The following XXYLT1 variants were observed in gnomAD, a reference collection of about 807,000 sequenced individuals.
XXYLT1 encodes the protein UDP-xylose:alpha-xyloside alpha-1,3-xylosyltransferase.
XXYLT1 carries 20 observed loss-of-function variants against 28.9 expected under a neutral mutation model. That is an observed-to-expected ratio of 0.69 (90% confidence interval 0.49 to 1.00). XXYLT1 has a LOEUF of 1.00. Ranked by LOEUF, XXYLT1 falls within the 50% of genes least tolerant of loss-of-function variation. The probability of loss-of-function intolerance (pLI) is 0.00; values close to 1 mark genes in which losing one functional copy is unlikely to be tolerated. For synonymous variants in XXYLT1, 257 were observed against 253.8 expected, an observed-to-expected ratio of 1.01 and a Z score of -0.12; for missense variants, 542 against 560.1, an observed-to-expected ratio of 0.97 and a Z score of 0.33.
chr3:195,186,980 C>T (rs2108746484), intron 2 of XXYLT1, among the ~76,000 whole-genome samples: 1 of 151,490 alleles, frequency 6.6e-6, no homozygotes. Flanking sequence ...CCGCAACCTC[C>T]ACCTCCTGGG....
Position 195,210,783 on chromosome 3 carries a change from C to G in XXYLT1, c.652+15926G>C, listed in dbSNP as rs1385907452. Among the ~76,000 whole-genome samples the G allele has an allele frequency of 6.6e-6, 1 of 152,210 alleles. No individual in the cohort carries two copies. The highest frequency in any genetic ancestry group is 1.9e-4 in the East Asian group (1 of 5,200). ...AATAGTTTTCACTGAAATCACTGGA[C>G]ACATGTTTATACCCTTTGTTCAGTA... is the stretch of plus-strand genomic sequence containing the variant. On this transcript the variant is annotated intron_variant, in intron 2 of 3. Transcript: ENST00000310380. This position sits in a 1 kb window ranked among gnomAD's most constrained non-coding sequence, Gnocchi z 4.8.
intron 2 of XXYLT1, among the ~76,000 whole-genome samples, chr3:195,220,595 T>C (rs1036755780): frequency 2.0e-5 from 3 of 151,542 alleles, no homozygotes; most frequent in African/African-American, 7.3e-5. Flanking sequence ...GATACACCAA[T>C]CCCCCTTTCA....
At chr3:195,226,533 G>T (rs982330646) in intron 2 of XXYLT1, among the ~76,000 whole-genome samples, 176 bp downstream of exon 2, 1 of 152,050 alleles carries the variant, frequency 6.6e-6, no homozygotes, top group African/African-American at 2.4e-5. Context: ...CCCTGCCCTT[G>T]ATTCTTGGTG....
At chr3:195,118,439 C>T (rs1348215031) in intron 3 of XXYLT1, among the ~76,000 whole-genome samples, 3 of 147,806 alleles carry the variant, frequency 2.0e-5, no homozygotes, top group Non-Finnish European at 4.5e-5. Context: ...GCTCCCAGTG[C>T]ATGTCACCGA....
Position 195,070,014 on chromosome 3 carries a change from G to GCAA in XXYLT1, c.880_882dup (p.Leu295dup). 6.2e-7 allele frequency: 1 copy of GCAA among 1,604,958 alleles called. No homozygotes were observed. The highest frequency in any genetic ancestry group is 8.5e-7 in the Non-Finnish European group (1 of 1,179,758). ...GACTGGCGCATGGCCTCCAGGTTCA[G>GCAA]CAACATCACCCCGCTGTTGAAGCCC... On this transcript the variant is annotated inframe_insertion, in exon 4 of 4. Transcript: ENST00000310380.
intron 3 of XXYLT1, among the ~76,000 whole-genome samples, chr3:195,140,392 C>T (rs777277248): frequency 3.9e-5 from 6 of 152,206 alleles, no homozygotes; most frequent in African/African-American, 7.2e-5. Context: ...GGGAGGCACC[C>T]TTACTGTTAT....
At chr3:195,212,499 C>A (rs1036741166) in intron 2 of XXYLT1, among the ~76,000 whole-genome samples, 1 of 152,154 alleles carries the variant, frequency 6.6e-6, no homozygotes, top group Admixed American at 6.5e-5. Context: ...AAGCCCCATG[C>A]GAACAGGTAC....
At chr3:195,160,730 C>G (rs1001493639) in intron 2 of XXYLT1, among the ~76,000 whole-genome samples, 4 of 152,184 alleles carry the variant, frequency 2.6e-5, no homozygotes, top group Non-Finnish European at 5.9e-5. Context: ...GCACGGTCCC[C>G]CTGTGCTCCA....
intron 2 of XXYLT1, among the ~76,000 whole-genome samples, chr3:195,158,817 A>G (rs1192622282): frequency 6.6e-6 from 1 of 152,222 alleles, no homozygotes; most frequent in African/African-American, 2.4e-5. Flanking sequence ...TGTAAATGTC[A>G]CTGCTGAAGA....
chr3:195,200,749 C>T (rs1474300422), intron 2 of XXYLT1, among the ~76,000 whole-genome samples: 1 of 152,156 alleles, frequency 6.6e-6, no homozygotes, highest in Non-Finnish European at 1.5e-5. Context: ...ATCAGTTACT[C>T]GTTAGTTTAA....
intron 2 of XXYLT1, among the ~76,000 whole-genome samples, chr3:195,169,699 T>C (rs1721300828): frequency 6.6e-6 from 1 of 152,132 alleles, no homozygotes. Context: ...TTCTTCCCTA[T>C]AGTCTTCCTA....
At position 195,114,524 on chromosome 3, in the gene XXYLT1, T is replaced by C. The variant is rs967934968; in HGVS notation, c.785+41925A>G. 7.9e-5 allele frequency among the ~76,000 whole-genome samples: 12 copies of C among 152,212 alleles called. No homozygotes were observed. In the East Asian group the frequency reaches 1.7e-3, roughly 22 times the overall value. On this transcript the variant is annotated intron_variant, in intron 3 of 3. Coordinates refer to ENST00000310380, the MANE Select transcript of XXYLT1 (RefSeq NM_152531.5). Reference sequence around the variant, plus strand: ...ATTTCTCTAGCACTTGAAACACATCTGTCCCCCTACACCCACAATCACATT... The same window carrying C: ...ATTTCTCTAGCACTTGAAACACATCCGTCCCCCTACACCCACAATCACATT...
rs1311620385 is a variant in XXYLT1 at position 195,069,613 on chromosome 3, C to T, written c.*102G>A. The T allele has an allele frequency of 4.8e-6, 7 of 1,465,930 alleles. No homozygotes were observed. Among genetic ancestry groups the T allele is most frequent in the South Asian group, 4.0e-5 (3 of 74,618 alleles). 90.8% of individuals were successfully genotyped at this position (1,465,930 alleles called of 1,614,324 possible). On this transcript the variant is annotated 3_prime_UTR_variant, in exon 4 of 4. Coordinates refer to ENST00000310380, the MANE Select transcript of XXYLT1 (RefSeq NM_152531.5). ...GCACCTTAATCACAGGACTTCCCTG[C>T]GGTGTCTCTCTAGCGGGTCAGACAC... is the stretch of plus-strand genomic sequence containing the variant.
At chr3:195,226,606 G>A in intron 2 of XXYLT1, 103 bp downstream of exon 2, 2 of 1,426,414 alleles carry the variant, frequency 1.4e-6, no homozygotes. Flanking sequence ...CATGTTCAGT[G>A]GAGCTATTCT....
At chr3:195,147,905 A>T (rs1223000420) in intron 3 of XXYLT1, 2 of 152,260 alleles carry the variant, frequency 1.3e-5, no homozygotes, top group African/African-American at 4.8e-5. Flanking sequence ...CGGATTCAGT[A>T]GTACCAAAAT....
intron 1 of XXYLT1, among the ~76,000 whole-genome samples, chr3:195,247,342 C>T (rs76024268): frequency 3.3e-5 from 5 of 152,172 alleles, no homozygotes; most frequent in Non-Finnish European, 5.9e-5. Context: ...TCGATTTGTC[C>T]TTTTTTCGTG....
At chr3:195,206,728 T>C (rs1271204978) in intron 2 of XXYLT1, among the ~76,000 whole-genome samples, 1 of 151,790 alleles carries the variant, frequency 6.6e-6, no homozygotes, top group East Asian at 1.9e-4. Context: ...ATTTGGCCAT[T>C]GCACTCCAGC....
At chr3:195,086,407 G>T (rs986780177) in intron 3 of XXYLT1, among the ~76,000 whole-genome samples, 3 of 152,182 alleles carry the variant, frequency 2.0e-5, no homozygotes, top group Non-Finnish European at 4.4e-5. Flanking sequence ...TGCTTCCCTG[G>T]AACAGAGGCT....
At chr3:195,239,680 A>G (rs1724698089) in intron 1 of XXYLT1, among the ~76,000 whole-genome samples, 1 of 152,234 alleles carries the variant, frequency 6.6e-6, no homozygotes, top group South Asian at 2.1e-4. Context: ...AGCTTACAAA[A>G]TAATTTCTCT....
Sources: allele counts gnomAD v4.1 joint callset (sites outside exome capture counted in the v4.1 genomes callset), GRCh38; gene constraint gnomAD v4.1.1; non-coding constraint Gnocchi (gnomAD v3.1); transcripts MANE v1.5; gene names NCBI Gene and HGNC (gene_info 2026-07-23, HGNC 2026-07-21).